KIF6: variants seen among roughly 807,000 people sequenced by gnomAD.
The protein encoded by KIF6 is kinesin family member 6.
In KIF6, 106 loss-of-function variants were observed where a neutral mutation model predicts 112.7. That is an observed-to-expected ratio of 0.94 (90% CI 0.80 to 1.11). The LOEUF is 1.11. KIF6 is among the 50% of genes least tolerant of loss of function. The probability of loss-of-function intolerance (pLI) is 0.00; values close to 1 mark genes in which losing one functional copy is unlikely to be tolerated. For missense variants in KIF6, 929 were observed against 964.0 expected (o/e 0.96, Z 0.48); for synonymous variants, 339 against 339.9 (o/e 1.00, Z 0.03).
intron 13 of KIF6, among the ~76,000 whole-genome samples, chr6:39,508,831 A>C (rs1776597475): frequency 6.6e-6 from 1 of 152,232 alleles, no homozygotes; most frequent in Non-Finnish European, 1.5e-5. Flanking sequence ...CAGCTTCTGC[A>C]GACTTAAATG....
chr6:39,502,620 T>G (rs1401944396), intron 13 of KIF6, among the ~76,000 whole-genome samples: 1 of 151,936 alleles, frequency 6.6e-6, no homozygotes, highest in Non-Finnish European at 1.5e-5. Context: ...CAAAGACACA[T>G]GCAGGCTCAA....
chr6:39,725,085 CG>C (rs1561965687), intron 1 of KIF6, among the ~76,000 whole-genome samples, 159 bp downstream of exon 1: 2 of 152,108 alleles, frequency 1.3e-5, no homozygotes, highest in Non-Finnish European at 1.5e-5. Context: ...CGGGGGTCTT[CG>C]CGGCTGCAGG....
chr6:39,526,777 A>G (rs932367708), intron 13 of KIF6, among the ~76,000 whole-genome samples: 5 of 138,700 alleles, frequency 3.6e-5, no homozygotes, highest in African/African-American at 1.3e-4. Context: ...CCACAGAGCT[A>G]TAGAGAAGTC....
At chr6:39,513,909 A>G (rs920452430) in intron 13 of KIF6, among the ~76,000 whole-genome samples, 5 of 152,190 alleles carry the variant, frequency 3.3e-5, no homozygotes, top group Admixed American at 6.5e-5. Context: ...TATCCTCTCT[A>G]TGGAAAATAA....
intron 3 of KIF6, among the ~76,000 whole-genome samples, chr6:39,669,874 C>T (rs902348692): frequency 1.6e-4 from 24 of 152,222 alleles, no homozygotes; most frequent in African/African-American, 5.8e-4. Context: ...CTTAAGGAAA[C>T]ATTGCCAGTG....
At chr6:39,337,213 TTCTTTC>T (rs1441964396) in intron 22 of KIF6, among the ~76,000 whole-genome samples, 13 of 118,326 alleles carry the variant, frequency 1.1e-4, no homozygotes, top group Non-Finnish European at 2.0e-4. Flanking sequence ...CTTTCTTTCT[TTCTTTC>T]TTTCTTTCTT....
intron 10 of KIF6, among the ~76,000 whole-genome samples, chr6:39,574,778 G>A (rs906205843): frequency 6.6e-6 from 1 of 152,096 alleles, no homozygotes; most frequent in Admixed American, 6.5e-5. Context: ...CTATTCATCA[G>A]ATATTGGTAA....
At chr6:39,423,305 C>A (rs1442478596) in intron 14 of KIF6, among the ~76,000 whole-genome samples, 1 of 152,150 alleles carries the variant, frequency 6.6e-6, no homozygotes, top group African/African-American at 2.4e-5. Context: ...TACTTGCAGA[C>A]CCTGGGGAAA....
At chr6:39,722,027 T>G (rs965408845) in intron 1 of KIF6, among the ~76,000 whole-genome samples, 1 of 152,212 alleles carries the variant, frequency 6.6e-6, no homozygotes, top group Admixed American at 6.5e-5. Flanking sequence ...GAAGAATTCA[T>G]GCAGAAAAGT....
At chr6:39,592,660 T>C (rs1015423374) in intron 7 of KIF6, among the ~76,000 whole-genome samples, 3 of 152,200 alleles carry the variant, frequency 2.0e-5, no homozygotes, top group African/African-American at 7.2e-5. Context: ...TTTCCTCCCA[T>C]GAACTCAATT....
intron 22 of KIF6, among the ~76,000 whole-genome samples, chr6:39,341,144 C>G (rs990615973): frequency 2.6e-5 from 4 of 152,146 alleles, no homozygotes; most frequent in African/African-American, 9.7e-5. Flanking sequence ...TGTCACTGCT[C>G]AACCCCCTGG....
intron 5 of KIF6, among the ~76,000 whole-genome samples, chr6:39,624,076 T>A (rs58404384): frequency 6.6e-6 from 1 of 152,106 alleles, no homozygotes; most frequent in African/African-American, 2.4e-5. Flanking sequence ...AGGAAACAAC[T>A]GGCTGAAGTG....
intron 3 of KIF6, among the ~76,000 whole-genome samples, chr6:39,684,599 A>G (rs1787740809): frequency 6.7e-6 from 1 of 148,712 alleles, no homozygotes; most frequent in Admixed American, 6.8e-5. Flanking sequence ...CTGGGCAACA[A>G]GAGCAAACCT....
chr6:39,551,658 T>C (rs954119740), intron 10 of KIF6, among the ~76,000 whole-genome samples: 1 of 152,070 alleles, frequency 6.6e-6, no homozygotes. Flanking sequence ...AAAAAAACTT[T>C]AGAAAGTATA....
rs372056917 is a variant in KIF6 at position 39,339,000 on chromosome 6, C to T, written c.2429-2452G>A. Among the ~76,000 whole-genome samples, 4 of 152,164 alleles carry T rather than the reference C, an allele frequency of 2.6e-5. No individual in the cohort carries two copies. In the East Asian group the frequency reaches 5.8e-4, roughly 22 times the overall value. ...ATGCTACAGAATAGGGGGGAGAGCA[C>T]GCTCTGCCCCAAGACATAGCTCCTT... On this transcript the variant is annotated intron_variant, in intron 22 of 22. Transcript: ENST00000287152.
At chr6:39,706,613 T>C (rs779869560) in intron 3 of KIF6, among the ~76,000 whole-genome samples, 2 of 152,212 alleles carry the variant, frequency 1.3e-5, no homozygotes, top group Non-Finnish European at 2.9e-5. Context: ...AAGCCAGAAA[T>C]GTGATGTCAT....
chr6:39,535,071 A>T (rs1225350487), intron 13 of KIF6, among the ~76,000 whole-genome samples: 1 of 152,216 alleles, frequency 6.6e-6, no homozygotes, highest in African/African-American at 2.4e-5. Flanking sequence ...AGCACTAAAC[A>T]TGGAAAGGAA....
intron 10 of KIF6, among the ~76,000 whole-genome samples, chr6:39,560,751 C>G (rs187138602): frequency 6.6e-6 from 1 of 152,288 alleles, no homozygotes; most frequent in East Asian, 1.9e-4. Flanking sequence ...GCAACCCCAC[C>G]CTTCCATCCC....
At chr6:39,503,230 C>G (rs1006847934) in intron 13 of KIF6, among the ~76,000 whole-genome samples, 2 of 152,166 alleles carry the variant, frequency 1.3e-5, no homozygotes, top group Non-Finnish European at 2.9e-5. Context: ...ACAACCTGCT[C>G]CTGAATAACT....
Sources: allele counts gnomAD v4.1 joint callset (sites outside exome capture counted in the v4.1 genomes callset), GRCh38; gene constraint gnomAD v4.1.1; transcripts MANE v1.5; gene names NCBI Gene and HGNC (gene_info 2026-07-23, HGNC 2026-07-21).